RAB28: variants seen among roughly 807,000 people sequenced by gnomAD.
RAB28 encodes the protein RAB28, member RAS oncogene family, also known as ras-related protein Rab-28.
Under a neutral mutation model 31.7 loss-of-function variants are expected in RAB28, and 24 were observed. The ratio of observed to expected loss-of-function variants is 0.76; its 90% CI spans 0.55 to 1.06. The LOEUF is 1.06. Among genes scored for constraint, RAB28 ranks in the 50% least tolerant of loss-of-function variants. The probability of loss-of-function intolerance (pLI) is 0.00; values close to 1 mark genes in which losing one functional copy is unlikely to be tolerated. For missense variants in RAB28, 254 were observed against 258.5 expected (o/e 0.98, Z 0.12); for synonymous variants, 100 against 90.4 (o/e 1.11, Z -0.60).
At chr4:13,431,414 C>A (rs1713799094) in intron 4 of RAB28, among the ~76,000 whole-genome samples, 1 of 152,186 alleles carries the variant, frequency 6.6e-6, no homozygotes, top group Non-Finnish European at 1.5e-5. Context: ...TTCTCACCAA[C>A]CCCATCAGGG....
rs977673211 is a variant in RAB28, at chr4:13,371,702, T to A, written c.574-3052A>T. On this transcript the variant is annotated intron_variant, in intron 6 of 6. Coordinates refer to ENST00000330852, the MANE Select transcript of RAB28 (RefSeq NM_001017979.3). Reference sequence around the variant, plus strand: ...TTAGAAAAACATAATTTCCATGTCATAAACTTCATGGTAGGTGGTTTCACT... The same window carrying A: ...TTAGAAAAACATAATTTCCATGTCAAAAACTTCATGGTAGGTGGTTTCACT... 3.5e-5 allele frequency: 53 copies of A among 1,522,920 alleles called. No individual in the cohort carries two copies. In the African/African-American group the frequency reaches 7.0e-4, roughly 20 times the overall value. The allele number at this position is 1,522,920 out of a possible 1,614,324, so 94.3% of individuals were successfully genotyped here. A position where few individuals can be genotyped will look rare whatever the true frequency, so the allele number is the denominator to read the frequency against.
chr4:13,475,576 T>G (rs1716323977), intron 2 of RAB28, among the ~76,000 whole-genome samples: 1 of 151,590 alleles, frequency 6.6e-6, no homozygotes, highest in Non-Finnish European at 1.5e-5. Context: ...TTTGGTGGGT[T>G]TGTATTACAA....
intron 4 of RAB28, among the ~76,000 whole-genome samples, chr4:13,458,711 G>A (rs1236383364): frequency 6.6e-6 from 1 of 152,128 alleles, no homozygotes; most frequent in Non-Finnish European, 1.5e-5. Flanking sequence ...TATTTTTACT[G>A]TACCTTTTCT....
At chr4:13,458,547 TC>T (rs1715424277) in intron 4 of RAB28, among the ~76,000 whole-genome samples, 1 of 152,134 alleles carries the variant, frequency 6.6e-6, no homozygotes, top group African/African-American at 2.4e-5. Context: ...AAATCTGAAA[TC>T]ATTTTCTCTT....
At chr4:13,459,160 T>G (rs1715460451) in intron 4 of RAB28, among the ~76,000 whole-genome samples, 1 of 151,934 alleles carries the variant, frequency 6.6e-6, no homozygotes, top group African/African-American at 2.4e-5. Flanking sequence ...ACTGTTGGAC[T>G]TACACTGGTG....
At chr4:13,416,114 G>T (rs1178837228) in intron 4 of RAB28, among the ~76,000 whole-genome samples, 1 of 152,178 alleles carries the variant, frequency 6.6e-6, no homozygotes, top group Non-Finnish European at 1.5e-5. Flanking sequence ...GGAGCAATCA[G>T]CAGGATGTGG....
At chr4:13,483,811 G>GA (rs1208186027) in intron 1 of RAB28, among the ~76,000 whole-genome samples, 1 of 152,252 alleles carries the variant, frequency 6.6e-6, no homozygotes, top group Non-Finnish European at 1.5e-5. Flanking sequence ...GCGGGAAGCT[G>GA]AAAGGCTGGC....
At chr4:13,390,042 TGG>T (rs1311581552) in intron 4 of RAB28, among the ~76,000 whole-genome samples, 2 of 152,192 alleles carry the variant, frequency 1.3e-5, no homozygotes, top group Non-Finnish European at 2.9e-5. Context: ...AACATAGTGT[TGG>T]AAGTTCCGGC....
intron 4 of RAB28, among the ~76,000 whole-genome samples, chr4:13,412,195 A>G (rs1712477255): frequency 6.6e-6 from 1 of 152,204 alleles, no homozygotes. Context: ...AAAAGCTAAC[A>G]GAGGAGAGCT....
chr4:13,401,851 G>C (rs1711783819), intron 4 of RAB28, among the ~76,000 whole-genome samples: 1 of 151,948 alleles, frequency 6.6e-6, no homozygotes. Flanking sequence ...TCTTAAGGTG[G>C]AAACTTACAT....
At chr4:13,457,823 C>A (rs1175229671) in intron 4 of RAB28, among the ~76,000 whole-genome samples, 2 of 152,116 alleles carry the variant, frequency 1.3e-5, no homozygotes, top group Non-Finnish European at 2.9e-5. Context: ...ATACATATAA[C>A]ATAATGTATA....
intron 2 of RAB28, among the ~76,000 whole-genome samples, chr4:13,478,718 G>T (rs537066682): frequency 1.5e-4 from 22 of 151,724 alleles, no homozygotes; most frequent in African/African-American, 5.3e-4. Flanking sequence ...TTTAACCATT[G>T]AAATTGAAAG....
At chr4:13,406,841 T>A (rs573617406) in intron 4 of RAB28, among the ~76,000 whole-genome samples, 99 of 152,342 alleles carry the variant, frequency 6.5e-4, no homozygotes, top group African/African-American at 2.3e-3. Context: ...CACTTTTTGA[T>A]GGGGTTGTTT....
chr4:13,448,464 C>T (rs936071750), intron 4 of RAB28, among the ~76,000 whole-genome samples: 6 of 151,864 alleles, frequency 4.0e-5, no homozygotes, highest in Non-Finnish European at 7.4e-5. Flanking sequence ...AAAACATAAC[C>T]ACAAAAACCA....
chr4:13,420,213 G>A (rs1016735303), intron 4 of RAB28, among the ~76,000 whole-genome samples: 3 of 152,174 alleles, frequency 2.0e-5, no homozygotes, highest in African/African-American at 7.2e-5. Flanking sequence ...CCAGGAAGAA[G>A]CTGAATCTCT....
chr4:13,431,484 TG>T (rs1401480261), intron 4 of RAB28, among the ~76,000 whole-genome samples: 2 of 152,122 alleles, frequency 1.3e-5, no homozygotes, highest in East Asian at 3.9e-4. Flanking sequence ...CGCCATCTAC[TG>T]GATTATACCC....
At chr4:13,390,553 T>A (rs557846820) in intron 4 of RAB28, among the ~76,000 whole-genome samples, 1 of 151,320 alleles carries the variant, frequency 6.6e-6, no homozygotes, top group Non-Finnish European at 1.5e-5. Context: ...CTTCACAGAA[T>A]TGGAAAAAAC....
intron 5 of RAB28, among the ~76,000 whole-genome samples, chr4:13,379,673 G>A (rs1330278322): frequency 6.6e-6 from 1 of 152,116 alleles, no homozygotes; most frequent in East Asian, 1.9e-4. Context: ...TAGGATGCCT[G>A]ATACTGAGAT....
At chr4:13,479,657 A>T in intron 1 of RAB28, 131 bp from the exon 2 acceptor site, 1 of 636,648 alleles carries the variant, frequency 1.6e-6, no homozygotes, top group South Asian at 2.0e-5. Context: ...AGCAGTTCTA[A>T]TCAGTTACAA....
Sources: allele counts gnomAD v4.1 joint callset (sites outside exome capture counted in the v4.1 genomes callset), GRCh38; gene constraint gnomAD v4.1.1; transcripts MANE v1.5; gene names NCBI Gene and HGNC (gene_info 2026-07-23, HGNC 2026-07-21).